Variants in PLEC observed in about 807,000 individuals in gnomAD.
The protein encoded by PLEC is hemidesmosomal protein 1.
PLEC carries 216 observed loss-of-function variants against 392.8 expected under a neutral mutation model. That is an observed-to-expected ratio of 0.55 (90% CI 0.49 to 0.62). The LOEUF (loss-of-function observed/expected upper bound fraction) is 0.62, where lower values mean the gene tolerates loss of function less well. Among genes scored for constraint, PLEC ranks in the 20% least tolerant of loss-of-function variants. PLEC has a pLI of 0.00. For synonymous variants in PLEC, 3,621 were observed against 2,980.6 expected (o/e 1.21, Z -7.00); for missense variants, 6,863 against 6,563.4 (o/e 1.05, Z -1.58).
At chr8:143,947,545 G>A (rs910690441) in intron 1 of PLEC, among the ~76,000 whole-genome samples, 3 of 151,758 alleles carry the variant, frequency 2.0e-5, no homozygotes, top group Non-Finnish European at 4.4e-5. Flanking sequence ...AGGACTTCAA[G>A]ACCAGCCTGG....
chr8:143,943,419 T>C (rs112750084), upstream of PLEC, among the ~76,000 whole-genome samples: 139 of 152,320 alleles, frequency 9.1e-4, no homozygotes, highest in African/African-American at 2.9e-3. Context: ...CCCCCTGCTG[T>C]GTGTGCAGGG....
chr8:143,958,885 T>C (rs1428134406), upstream of PLEC: 1 of 227,114 alleles, frequency 4.4e-6, no homozygotes, highest in African/African-American at 2.3e-5. The surrounding 1 kb of genome is among the most constrained non-coding windows in gnomAD (Gnocchi z 4.9). Flanking sequence ...AGAGAAGAAA[T>C]GAATTCCTGG....
chr8:143,975,242 C>A (rs781980239), upstream of PLEC: 26 of 1,607,200 alleles, frequency 1.6e-5, no homozygotes, highest in South Asian at 4.4e-5. The surrounding 1 kb of genome is among the most constrained non-coding windows in gnomAD (Gnocchi z 9.9). Context: ...AGCGCCACCC[C>A]CGCTGCGCCG....
chr8:143,930,119 C>G (rs782441456), intron 21 of PLEC, 25 bp downstream of exon 21: 3 of 1,593,850 alleles, frequency 1.9e-6, no homozygotes. Flanking sequence ...TTCCAGCCCC[C>G]ACCTGCTGAG....
rs375208309 is a variant in PLEC, at chr8:143,921,005, C to T, written c.8816G>A (p.Arg2939Gln). ...NSEYFTAEQR[R>Q]DLLRQFRTGR... ...CGTGCGGAACTGCCGCAGCAGGTCC[C>T]GCCGCTGCTCTGCCGTGAAGTATTC... is the stretch of plus-strand genomic sequence containing the variant. The change falls in exon 32 of 32, where the codon CGG (arginine) becomes CAG (glutamine). Residue 2939 changes from arginine to glutamine, a missense_variant. Physicochemically the swap from Arg to Gln is conservative, Grantham distance 43. Coordinates refer to ENST00000345136, the MANE Select transcript of PLEC (RefSeq NM_201384.3). 137 of 1,613,088 alleles carry T rather than the reference C, an allele frequency of 8.5e-5. No individual in the cohort carries two copies. The highest frequency in any genetic ancestry group is 1.0e-4 in the Non-Finnish European group (122 of 1,180,034).
chr8:143,938,089 A>G (rs1036406376), intron 3 of PLEC, 62 bp downstream of exon 3: 11 of 1,214,062 alleles, frequency 9.1e-6, no homozygotes, highest in Non-Finnish European at 5.9e-6. Flanking sequence ...CCAAGGAGGG[A>G]AGGCAGGCAG....
Position 143,923,202 on chromosome 8 carries a change from G to T in PLEC, c.6727C>A (p.Leu2243Ile), listed in dbSNP as rs372627763. The change falls in exon 31 of 32, where the codon CTC becomes ATC. Residue 2243 changes from leucine to isoleucine, a missense_variant. By Grantham distance (5) the Leu-to-Ile change is conservative. Coordinates refer to ENST00000345136, the MANE Select transcript of PLEC (RefSeq NM_201384.3). ...VRVQMEELSK[L>I]KARIEAENRA... ...TTCTCAGCCTCGATGCGTGCCTTGA[G>T]CTTGCTCAGCTCCTCCATCTGCACG... is the stretch of plus-strand genomic sequence containing the variant. 302 of 1,602,654 alleles carry T rather than the reference G, an allele frequency of 1.9e-4. No homozygotes were observed. Among genetic ancestry groups the T allele is most frequent in the Non-Finnish European group, 2.5e-4 (294 of 1,179,896 alleles).
chr8:143,924,977 A>G lies in PLEC; in HGVS notation c.4952T>C (p.Val1651Ala), dbSNP rs1824450584. 4 of 1,574,208 alleles carry G rather than the reference A, an allele frequency of 2.5e-6. No homozygotes were observed. The highest frequency in any genetic ancestry group is 3.4e-6 in the Non-Finnish European group (4 of 1,168,992). The part of the protein sequence containing the change: ...ALRLRLQAEE[V>A]AQQKSLAQAE... ...CTGCGCCAGGCTCTTCTGCTGCGCCACCTCCTCCGCCTGCAGCCGCAGCCG... is the reference window on the plus strand; with the variant it reads ...CTGCGCCAGGCTCTTCTGCTGCGCCGCCTCCTCCGCCTGCAGCCGCAGCCG... Residue 1651 changes from valine to alanine, a missense_variant, in exon 31 of 32, where the codon GTG (valine) becomes GCG (alanine). Coordinates refer to ENST00000345136, the MANE Select transcript of PLEC (RefSeq NM_201384.3).
chr8:143,975,237 C>T (rs201820569), upstream of PLEC: 188 of 1,606,742 alleles, frequency 1.2e-4, no homozygotes, highest in African/African-American at 2.4e-3. The surrounding 1 kb of genome is among the most constrained non-coding windows in gnomAD (Gnocchi z 9.9). Context: ...CTCCCAGCGC[C>T]ACCCCCGCTG....
In PLEC at chr8:143,923,283, C is replaced by T. The variant is rs1170367970; in HGVS notation, c.6646G>A (p.Ala2216Thr). ...DEELQRLKAE[A>T]TEAARQRSQV... The stretch of plus-strand genomic sequence containing the variant: ...CTGCGCTGGCGTGCGGCCTCCGTGG[C>T]CTCCGCCTTCAGCCGCTGCAGCTCC... Residue 2216 changes from alanine (A) to threonine (T), a missense_variant, in exon 31 of 32, where the codon GCC (alanine) becomes ACC (threonine). Physicochemically the swap from Ala to Thr is moderately conservative, Grantham distance 58. Transcript: ENST00000345136. 5 of 1,608,054 alleles carry T rather than the reference C, an allele frequency of 3.1e-6. No individual in the cohort carries two copies. In the East Asian group the frequency reaches 8.9e-5, roughly 29 times the overall value.
At position 143,922,411 on chromosome 8, in the gene PLEC, G is replaced by T. The variant is rs897219611; in HGVS notation, c.7426-16C>A. ...CCGTCTGCATCTGCAGAAGAAGAGG[G>T]TGTGATCAGGGACCGCCAGCCCAGG... is the stretch of plus-strand genomic sequence containing the variant. On this transcript the variant is annotated splice_polypyrimidine_tract_variant and intron_variant, in intron 31 of 31. Coordinates refer to ENST00000345136, the MANE Select transcript of PLEC (RefSeq NM_201384.3). 2.5e-6 allele frequency: 4 copies of T among 1,600,600 alleles called. No homozygotes were observed. Among genetic ancestry groups the T allele is most frequent in the African/African-American group, 1.3e-5 (1 of 74,910 alleles).
rs1554717077 is a variant in PLEC at position 143,932,483 on chromosome 8, G to A, written c.1894C>T (p.Leu632=). 1.2e-6 allele frequency: 2 copies of A among 1,612,696 alleles called. No homozygotes were observed. Among genetic ancestry groups the A allele is most frequent in the East Asian group, 2.2e-5 (1 of 44,872 alleles). Residue 632 remains leucine, a synonymous_variant, in exon 16 of 32, where the codon CTG becomes TTG. Transcript: ENST00000345136. ...VAAATKELMW[L]NEKEEEEVGF... ...ACCTCCTCCTCCTCCTTCTCATTCA[G>A]CCACATTAGCTCCTTAGTGGCGGCT...
upstream of PLEC, chr8:143,975,044 C>A: frequency 9.9e-7 from 1 of 1,012,776 alleles, no homozygotes; most frequent in Non-Finnish European, 1.5e-6. The surrounding 1 kb of genome is among the most constrained non-coding windows in gnomAD (Gnocchi z 9.9). Context: ...CTGGGACGCG[C>A]GAGGCCCTCC....
Position 143,916,541 on chromosome 8 carries a change from T to C in PLEC, c.13280A>G (p.Asp4427Gly). 7 of 1,611,786 alleles carry C rather than the reference T, an allele frequency of 4.3e-6. No individual in the cohort carries two copies. The highest frequency in any genetic ancestry group is 5.9e-6 in the Non-Finnish European group (7 of 1,179,496). ...VDARTAQKLR[D>G]VGAYSKYLTC... ...GAGGTACTTGGAGTAGGCGCCCACG[T>C]CACGCAGCTTCTGTGCGGTGCGGGC... Residue 4427 changes from aspartate to glycine, a missense_variant, in exon 32 of 32, where the codon GAC becomes GGC. Coordinates refer to ENST00000345136, the MANE Select transcript of PLEC (RefSeq NM_201384.3).
rs2131966492 is a variant in PLEC, at chr8:143,933,272, A to G, written c.1343T>C (p.Met448Thr). Residue 448 changes from methionine (M) to threonine (T), a missense_variant, in exon 13 of 32, where the codon ATG (methionine) becomes ACG (threonine). Met to Thr is a moderately conservative substitution (Grantham distance 81). Coordinates refer to ENST00000345136, the MANE Select transcript of PLEC (RefSeq NM_201384.3). ...VERDLDKADS[M>T]IRLLFNDVQT... ...CACGTCGTTGAAGAGCAGCCGGATC[A>G]TGCTATCCGCCTTGTCCAAGTCCCG... The G allele has an allele frequency of 6.2e-7, 1 of 1,613,162 alleles. No individual in the cohort carries two copies.
Position 143,920,400 on chromosome 8 carries a change from C to A in PLEC, c.9421G>T (p.Gly3141Cys). 1 of 1,592,846 alleles carries A rather than the reference C, an allele frequency of 6.3e-7. No homozygotes were observed. The highest frequency in any genetic ancestry group is 8.5e-7 in the Non-Finnish European group (1 of 1,172,756). ...CTCTTGCTGGGGTCCACGATGCCGC[C>A]CGTGGACAGCTGGGCGTCCAACAGG... ...LRLLDAQLST[G>C]GIVDPSKSHR... is the part of the protein sequence containing the mutation. Residue 3141 changes from glycine (G) to cysteine (C), a missense_variant, in exon 32 of 32, where the codon GGC becomes TGC. Coordinates refer to ENST00000345136, the MANE Select transcript of PLEC (RefSeq NM_201384.3).
chr8:143,973,368 A>G lies in PLEC; in HGVS notation c.70+35T>C. On this transcript the variant is annotated intron_variant, in intron 1 of 31. Coordinates refer to the PLEC transcript ENST00000356346. This position sits in a 1 kb window ranked among gnomAD's most constrained non-coding sequence, Gnocchi z 5.6. ...GGTGCTCGGCGGCTGGGCTGTCAGG[A>G]GCGGCCCGACAGGCAGCGGGACGGG... 6.4e-7 allele frequency: 1 copy of G among 1,552,676 alleles called. No homozygotes were observed. The highest frequency in any genetic ancestry group is 2.4e-5 in the East Asian group (1 of 40,818).
At chr8:143,964,917 C>T (rs1187027122) in intron 1 of PLEC, among the ~76,000 whole-genome samples, 1 of 152,138 alleles carries the variant, frequency 6.6e-6, no homozygotes, top group Non-Finnish European at 1.5e-5. Context: ...AACCAGAGAC[C>T]TTTACTGCAG....
chr8:143,953,956 G>GGGCGGC, upstream of PLEC: 4 of 1,348,714 alleles, frequency 3.0e-6, no homozygotes, highest in Admixed American at 3.5e-5. Flanking sequence ...CATGCTCCCG[G>GGGCGGC]CCGCACCGCG....
Sources: allele counts gnomAD v4.1 joint callset (sites outside exome capture counted in the v4.1 genomes callset), GRCh38; gene constraint gnomAD v4.1.1; non-coding constraint Gnocchi (gnomAD v3.1); transcripts MANE v1.5; gene names NCBI Gene and HGNC (gene_info 2026-07-23, HGNC 2026-07-21).